GRID2: variants seen among roughly 807,000 people sequenced by gnomAD.
The protein encoded by GRID2 is glutamate ionotropic receptor delta type subunit 2, also known as glutamate receptor ionotropic, delta-2.
A neutral mutation model predicts 114.8 loss-of-function variants in GRID2; 33 were observed. The ratio of observed to expected loss-of-function variants is 0.29; its 90% CI spans 0.22 to 0.38. The LOEUF (loss-of-function observed/expected upper bound fraction) is 0.38, where lower values mean the gene tolerates loss of function less well. GRID2 is among the 10% of genes least tolerant of loss of function. The pLI, the probability that GRID2 is intolerant of heterozygous loss-of-function variation, is 1.00. For synonymous variants in GRID2, 505 were observed against 449.9 expected, an observed-to-expected ratio of 1.12 and a Z score of -1.55; for missense variants, 1,184 against 1,257.7, an observed-to-expected ratio of 0.94 and a Z score of 0.89.
At chr4:93,122,099 T>G (rs1733830653) in intron 4 of GRID2, among the ~76,000 whole-genome samples, 1 of 152,180 alleles carries the variant, frequency 6.6e-6, no homozygotes, top group Admixed American at 6.5e-5. Context: ...TTCTTATTTG[T>G]AATGTAGTCC....
intron 1 of GRID2, among the ~76,000 whole-genome samples, chr4:92,307,695 T>G (rs1464628232): frequency 1.3e-5 from 2 of 152,002 alleles, no homozygotes; most frequent in African/African-American, 4.8e-5. Context: ...AAATGCACAA[T>G]TTTATGATTA....
chr4:93,209,630 G>A (rs532869747), intron 5 of GRID2, among the ~76,000 whole-genome samples: 1 of 152,184 alleles, frequency 6.6e-6, no homozygotes, highest in East Asian at 1.9e-4. Flanking sequence ...GGATTGCTGG[G>A]TGAAATGGTA....
At chr4:93,114,745 G>A (rs916375393) in intron 4 of GRID2, among the ~76,000 whole-genome samples, 4 of 152,134 alleles carry the variant, frequency 2.6e-5, no homozygotes, top group Non-Finnish European at 5.9e-5. Context: ...CCCTATTAGT[G>A]CTGGGAGCAG....
intron 2 of GRID2, among the ~76,000 whole-genome samples, chr4:92,704,242 C>A (rs1225511699): frequency 6.6e-6 from 1 of 152,162 alleles, no homozygotes; most frequent in Non-Finnish European, 1.5e-5. Context: ...CGCGCCACTG[C>A]ACTCCAGCCT....
chr4:93,105,572 T>A (rs948117638), intron 3 of GRID2, among the ~76,000 whole-genome samples: 1 of 152,200 alleles, frequency 6.6e-6, no homozygotes, highest in Admixed American at 6.5e-5. Context: ...GGAATCTCAG[T>A]GGGCTATAAT....
chr4:93,138,535 A>G (rs1390796665), intron 4 of GRID2, among the ~76,000 whole-genome samples: 2 of 152,088 alleles, frequency 1.3e-5, no homozygotes, highest in Non-Finnish European at 2.9e-5. Flanking sequence ...CTGACTTCCT[A>G]TTGTCAAATT....
intron 2 of GRID2, among the ~76,000 whole-genome samples, chr4:92,689,191 C>T (rs1266248685): frequency 2.0e-5 from 3 of 152,148 alleles, no homozygotes; most frequent in Admixed American, 6.6e-5. Flanking sequence ...TAGCATAATT[C>T]TTAAGAGCTA....
chr4:93,210,839 A>G (rs1390901313), intron 5 of GRID2, among the ~76,000 whole-genome samples: 1 of 151,876 alleles, frequency 6.6e-6, no homozygotes, highest in African/African-American at 2.4e-5. Context: ...TGTATTAATT[A>G]TTTTCTAGAT....
At chr4:92,941,409 G>T (rs908535956) in intron 2 of GRID2, among the ~76,000 whole-genome samples, 1 of 152,030 alleles carries the variant, frequency 6.6e-6, no homozygotes, top group African/African-American at 2.4e-5. Context: ...GGGATTGGTG[G>T]TGATATCCCC....
intron 1 of GRID2, among the ~76,000 whole-genome samples, chr4:92,503,151 T>A (rs1179696434): frequency 6.6e-6 from 1 of 152,170 alleles, no homozygotes; most frequent in East Asian, 1.9e-4. Flanking sequence ...ATTATGTACA[T>A]GCTATATAGT....
chr4:92,347,579 G>A (rs1727834582), intron 1 of GRID2, among the ~76,000 whole-genome samples: 1 of 152,038 alleles, frequency 6.6e-6, no homozygotes, highest in East Asian at 1.9e-4. Context: ...CCTTTATTTT[G>A]GGTAGAGGAT....
chr4:93,459,168 G>T (rs1233630820), intron 11 of GRID2, among the ~76,000 whole-genome samples: 2 of 81,768 alleles, frequency 2.4e-5, no homozygotes, highest in African/African-American at 9.1e-5. Context: ...TGACAAGAGT[G>T]AAACTCCATC....
chr4:92,574,736 C>T (rs1389896282), intron 1 of GRID2, among the ~76,000 whole-genome samples: 2 of 152,072 alleles, frequency 1.3e-5, no homozygotes, highest in Admixed American at 6.6e-5. Flanking sequence ...TGCGTTTTCT[C>T]TCTAGCTGCT....
chr4:92,889,282 G>T (rs1442112928), intron 2 of GRID2, among the ~76,000 whole-genome samples: 3 of 152,168 alleles, frequency 2.0e-5, no homozygotes, highest in South Asian at 2.1e-4. Flanking sequence ...TCAGGCAAGA[G>T]AAAGAAATAA....
chr4:92,768,548 T>G (rs533728323), intron 2 of GRID2, among the ~76,000 whole-genome samples: 1 of 152,322 alleles, frequency 6.6e-6, no homozygotes, highest in African/African-American at 2.4e-5. Context: ...TATCCTGGTG[T>G]ATTAGTTTAT....
In GRID2 at chr4:93,232,520, AGAGTT is replaced by A. The variant is rs939651565; in HGVS notation, c.1126-5850_1126-5846del. Among the ~76,000 whole-genome samples the A allele has an allele frequency of 1.2e-4, 18 of 149,130 alleles. No homozygotes were observed. The South Asian group carries it at 2.3e-3, about 19-fold the overall frequency. On this transcript the variant is annotated intron_variant, in intron 7 of 15. Transcript: ENST00000282020. ...AACATATATCAATATGATATCTGAT[AGAGTT>A]ATCTTGATATATGTATTCTATATTA...
At chr4:92,342,702 C>A (rs1182591036) in intron 1 of GRID2, among the ~76,000 whole-genome samples, 1 of 152,144 alleles carries the variant, frequency 6.6e-6, no homozygotes, top group African/African-American at 2.4e-5. Flanking sequence ...TTCAGTAACA[C>A]CATAAAGTGA....
At chr4:92,426,177 T>A (rs551753127) in intron 1 of GRID2, among the ~76,000 whole-genome samples, 7 of 152,122 alleles carry the variant, frequency 4.6e-5, no homozygotes, top group Admixed American at 4.6e-4. Context: ...GTTTCATATG[T>A]CCAAAGTTAT....
At chr4:92,517,932 C>A (rs1439401584) in intron 1 of GRID2, among the ~76,000 whole-genome samples, 1 of 151,850 alleles carries the variant, frequency 6.6e-6, no homozygotes. Flanking sequence ...ACCAAAAAAA[C>A]CCACTGTATT....
Sources: allele counts gnomAD v4.1 joint callset (sites outside exome capture counted in the v4.1 genomes callset), GRCh38; gene constraint gnomAD v4.1.1; transcripts MANE v1.5; gene names NCBI Gene and HGNC (gene_info 2026-07-23, HGNC 2026-07-21).